Variants in PHKB observed in about 807,000 individuals in gnomAD.
The protein encoded by PHKB is phosphorylase b kinase regulatory subunit beta.
Under a neutral mutation model 152.1 loss-of-function variants are expected in PHKB, and 122 were observed. The ratio of observed to expected loss-of-function variants is 0.80; its 90% confidence interval spans 0.69 to 0.93. The LOEUF is 0.93. Among genes scored for constraint, PHKB ranks in the 40% least tolerant of loss-of-function variants. The pLI, the probability that PHKB is intolerant of heterozygous loss-of-function variation, is 0.00. For missense variants in PHKB, 1,304 were observed against 1,328.4 expected (o/e 0.98, Z 0.29); for synonymous variants, 436 against 464.9 (o/e 0.94, Z 0.80).
At chr16:47,517,712 C>T (rs1970621301) in intron 6 of PHKB, among the ~76,000 whole-genome samples, 1 of 152,006 alleles carries the variant, frequency 6.6e-6, no homozygotes, top group South Asian at 2.1e-4. Flanking sequence ...CTTATGTAAG[C>T]TTTAAAATTT....
At position 47,476,761 on chromosome 16, in the gene PHKB, C is replaced by T. The variant is rs74874632; in HGVS notation, c.76+15335C>T. ...CCTAGAATGATTGTTTTGACCCAAA[C>T]TAGACTTTTATGCCTAGGGCTTACT... On this transcript the variant is annotated intron_variant, in intron 1 of 30. Transcript: ENST00000323584. Among the ~76,000 whole-genome samples the T allele has an allele frequency of 2.7e-3, 404 of 152,324 alleles. 10 individuals carry two copies. In the East Asian group the frequency reaches 0.04, roughly 15 times the overall value.
At chr16:47,476,350 CCATT>C (rs1191603344) in intron 1 of PHKB, among the ~76,000 whole-genome samples, 1 of 151,776 alleles carries the variant, frequency 6.6e-6, no homozygotes, top group Non-Finnish European at 1.5e-5. Context: ...CTTTCTGTGC[CCATT>C]CAGAGATCCT....
intron 22 of PHKB, among the ~76,000 whole-genome samples, 158 bp from the exon 23 acceptor site, chr16:47,661,561 A>G (rs888326565): frequency 6.6e-6 from 1 of 152,172 alleles, no homozygotes; most frequent in African/African-American, 2.4e-5. Context: ...GTATAATGTC[A>G]TCTTATGCTT....
chr16:47,571,610 C>T (rs879881182), intron 7 of PHKB, among the ~76,000 whole-genome samples: 2 of 152,198 alleles, frequency 1.3e-5, no homozygotes, highest in Non-Finnish European at 2.9e-5. Context: ...GGGCACTCCT[C>T]CCAAGGCGAT....
intron 6 of PHKB, among the ~76,000 whole-genome samples, chr16:47,526,300 T>C (rs1217513566): frequency 2.0e-5 from 3 of 151,946 alleles, no homozygotes; most frequent in Admixed American, 1.3e-4. Context: ...TCCCAGCTGC[T>C]CGCGAGGCTG....
At chr16:47,682,361 C>T (rs1393190072) in intron 26 of PHKB, among the ~76,000 whole-genome samples, 2 of 152,162 alleles carry the variant, frequency 1.3e-5, no homozygotes, top group African/African-American at 2.4e-5. Flanking sequence ...AGAGTGTTTT[C>T]CAACTTGGTT....
chr16:47,550,014 T>C (rs982630021), intron 7 of PHKB, among the ~76,000 whole-genome samples: 2 of 152,216 alleles, frequency 1.3e-5, no homozygotes, highest in Non-Finnish European at 2.9e-5. Context: ...TTTTATACTT[T>C]ATTTGACATT....
intron 7 of PHKB, chr16:47,566,117 T>A (rs1453965621): frequency 1.2e-5 from 8 of 656,478 alleles, no homozygotes; most frequent in Non-Finnish European, 2.2e-5. Flanking sequence ...TATCATAATC[T>A]CTGCTGCCTT....
At chr16:47,610,360 T>G (rs1359300834) in intron 13 of PHKB, among the ~76,000 whole-genome samples, 1 of 151,944 alleles carries the variant, frequency 6.6e-6, no homozygotes, top group Non-Finnish European at 1.5e-5. Context: ...TTGAGATTTT[T>G]CTTCTGTTTA....
At chr16:47,623,172 T>C (rs1310196961) in intron 14 of PHKB, among the ~76,000 whole-genome samples, 1 of 152,172 alleles carries the variant, frequency 6.6e-6, no homozygotes, top group African/African-American at 2.4e-5. Context: ...GATTAAATGA[T>C]AGTTTATGTA....
chr16:47,569,819 A>G (rs1262616716), intron 7 of PHKB, among the ~76,000 whole-genome samples: 1 of 151,876 alleles, frequency 6.6e-6, no homozygotes, highest in Non-Finnish European at 1.5e-5. Context: ...ACGATGTTTC[A>G]CCCATGTTGA....
chr16:47,567,706 A>G (rs868319692), intron 7 of PHKB, among the ~76,000 whole-genome samples: 3 of 152,176 alleles, frequency 2.0e-5, no homozygotes, highest in African/African-American at 7.2e-5. Flanking sequence ...ATTTTAAGGT[A>G]TATTTCTTCT....
intron 6 of PHKB, among the ~76,000 whole-genome samples, chr16:47,523,472 CAG>C (rs1970717717): frequency 6.6e-6 from 1 of 152,200 alleles, no homozygotes; most frequent in Non-Finnish European, 1.5e-5. Context: ...CTAGCCTTTG[CAG>C]AGTTTCTCAC....
intron 29 of PHKB, among the ~76,000 whole-genome samples, chr16:47,698,113 C>T (rs183478302): frequency 6.6e-6 from 1 of 152,106 alleles, no homozygotes; most frequent in South Asian, 2.1e-4. Context: ...AGGATTGACA[C>T]CCAAAGGCCT....
At chr16:47,615,070 G>C (rs1235868079) in intron 14 of PHKB, among the ~76,000 whole-genome samples, 4 of 152,186 alleles carry the variant, frequency 2.6e-5, no homozygotes, top group Admixed American at 2.6e-4. Context: ...GGCTTCCGTA[G>C]TTTCAAATGA....
chr16:47,548,149 T>C (rs1338608843), intron 7 of PHKB: 2 of 153,344 alleles, frequency 1.3e-5, no homozygotes, highest in African/African-American at 4.8e-5. Flanking sequence ...CTTTAGTGAC[T>C]GATTGTACCT....
chr16:47,649,922 C>CAGAT lies in PHKB; in HGVS notation c.1798-604_1798-601dup, dbSNP rs367864790. Among the ~76,000 whole-genome samples the CAGAT allele has an allele frequency of 7.4e-3, 1,124 of 151,974 alleles. 15 individuals are homozygous for CAGAT. The highest frequency in any genetic ancestry group is 0.025 in the African/African-American group (1,021 of 41,534). ...GTCTTTCAGATGACTGATTGATTGA[C>CAGAT]AGATAGATAGATAGATAGATAATTT... On this transcript the variant is annotated intron_variant, in intron 18 of 30. Transcript: ENST00000323584.
chr16:47,512,097 G>A (rs538386026), intron 5 of PHKB, among the ~76,000 whole-genome samples: 3 of 152,274 alleles, frequency 2.0e-5, no homozygotes, highest in Non-Finnish European at 2.9e-5. Flanking sequence ...CCTGCTGTGC[G>A]GCCCCATTCC....
intron 10 of PHKB, among the ~76,000 whole-genome samples, chr16:47,591,895 A>G (rs191193368): frequency 6.6e-5 from 10 of 152,184 alleles, no homozygotes; most frequent in African/African-American, 2.2e-4. Flanking sequence ...AAAAATCCTA[A>G]AATTCTGTTT....
Sources: allele counts gnomAD v4.1 joint callset (sites outside exome capture counted in the v4.1 genomes callset), GRCh38; gene constraint gnomAD v4.1.1; transcripts MANE v1.5; gene names NCBI Gene and HGNC (gene_info 2026-07-23, HGNC 2026-07-21).